Variants in LRMDA observed in about 807,000 individuals in gnomAD.
LRMDA encodes leucine-rich melanocyte differentiation-associated protein.
LRMDA carries 18 observed loss-of-function variants against 29.8 expected under a neutral mutation model. That is an observed-to-expected ratio of 0.60 (90% CI 0.42 to 0.90). The LOEUF (loss-of-function observed/expected upper bound fraction) is 0.90. Ranked by LOEUF, LRMDA falls within the 40% of genes least tolerant of loss-of-function variation. The pLI is 0.00. For synonymous variants in LRMDA, 125 were observed against 109.4 expected (o/e 1.14, Z -0.89); for missense variants, 273 against 273.9 (o/e 1.00, Z 0.02).
chr10:76,434,192 TC>T (rs567092932), intron 6 of LRMDA, among the ~76,000 whole-genome samples: 58 of 152,296 alleles, frequency 3.8e-4, no homozygotes, highest in African/African-American at 1.3e-3. Context: ...ATCTTATTTT[TC>T]CAAAACATCA....
chr10:76,442,715 T>C (rs1842316113), intron 6 of LRMDA, among the ~76,000 whole-genome samples: 1 of 152,166 alleles, frequency 6.6e-6, no homozygotes, highest in Non-Finnish European at 1.5e-5. Flanking sequence ...AACCAATACA[T>C]AAATCATATG....
intron 2 of LRMDA, among the ~76,000 whole-genome samples, chr10:75,722,058 T>C (rs950717757): frequency 1.3e-5 from 2 of 152,116 alleles, no homozygotes; most frequent in African/African-American, 4.8e-5. Flanking sequence ...AAATCCCAGG[T>C]TCCTAATACT....
At chr10:76,100,140 G>C in intron 5 of LRMDA, among the ~76,000 whole-genome samples, 2 of 152,222 alleles carry the variant, frequency 1.3e-5, no homozygotes, top group African/African-American at 4.8e-5. Context: ...ATTGTTATGT[G>C]TTCCTGATAA....
rs185148855 is a variant in LRMDA, at chr10:76,146,218, A to G, written c.516+87435A>G. Among the ~76,000 whole-genome samples the G allele has an allele frequency of 1.4e-3, 209 of 152,230 alleles. 5 individuals are homozygous for G. In the East Asian group the frequency reaches 0.037, roughly 27 times the overall value. The stretch of plus-strand genomic sequence containing the variant: ...GATTTCTATTAGGTCCACTTGGTGC[A>G]GAGCTGAGATCAATTCCTGGGTATC... On this transcript the variant is annotated intron_variant, in intron 5 of 6. Transcript: ENST00000611255.
chr10:75,850,994 A>T (rs1053952324), intron 2 of LRMDA, among the ~76,000 whole-genome samples: 1 of 152,056 alleles, frequency 6.6e-6, no homozygotes, highest in Non-Finnish European at 1.5e-5. Flanking sequence ...TAACAGCTTT[A>T]AAAAAAATTG....
intron 2 of LRMDA, among the ~76,000 whole-genome samples, chr10:75,766,576 C>G (rs1012191626): frequency 2.0e-5 from 3 of 151,866 alleles, no homozygotes; most frequent in African/African-American, 7.3e-5. Context: ...CTTTTTCTTT[C>G]TTTCTTTTTT....
intron 6 of LRMDA, among the ~76,000 whole-genome samples, chr10:76,357,335 A>G (rs10509371): frequency 0.12 from 18,249 of 152,156 alleles, 1,717 homozygotes; most frequent in African/African-American, 0.26. Context: ...AAAGATGAGA[A>G]AGTATTACAG....
In LRMDA at chr10:75,863,212, G is replaced by A. The variant is rs558417739; in HGVS notation, c.132-172796G>A. Reference sequence around the variant, plus strand: ...GGTTGTGCATCGCTTTACAGTTAAAGCTTTATTGCAGCTGTTAGCGTTGGG... The same window carrying A: ...GGTTGTGCATCGCTTTACAGTTAAAACTTTATTGCAGCTGTTAGCGTTGGG... On this transcript the variant is annotated intron_variant, in intron 2 of 6. Transcript: ENST00000611255. Among the ~76,000 whole-genome samples, 7 of 152,206 alleles carry A rather than the reference G, an allele frequency of 4.6e-5. No homozygotes were observed. The East Asian group carries it at 1.3e-3, about 29-fold the overall frequency.
At chr10:75,989,888 G>A (rs1847335603) in intron 2 of LRMDA, among the ~76,000 whole-genome samples, 2 of 152,160 alleles carry the variant, frequency 1.3e-5, no homozygotes, top group African/African-American at 2.4e-5. Context: ...GGTGACCCCA[G>A]TAGGCTGAAG....
At chr10:76,258,057 T>C (rs1033642885) in intron 5 of LRMDA, among the ~76,000 whole-genome samples, 4 of 152,240 alleles carry the variant, frequency 2.6e-5, no homozygotes, top group African/African-American at 9.6e-5. Flanking sequence ...CAAAACTTGT[T>C]ACATGGCCAA....
chr10:76,334,615 T>A (rs998537337), intron 6 of LRMDA, among the ~76,000 whole-genome samples: 2 of 152,152 alleles, frequency 1.3e-5, no homozygotes, highest in African/African-American at 4.8e-5. Flanking sequence ...TCTAATGAAA[T>A]TTTTTGGTTG....
chr10:76,409,084 A>G (rs1841931704), intron 6 of LRMDA, among the ~76,000 whole-genome samples: 1 of 152,286 alleles, frequency 6.6e-6, no homozygotes, highest in South Asian at 2.1e-4. Context: ...CTTTCAGTTT[A>G]CCACTTTGTG....
chr10:76,412,431 C>T (rs144670210), intron 6 of LRMDA, among the ~76,000 whole-genome samples: 158 of 152,276 alleles, frequency 1.0e-3, no homozygotes, highest in Non-Finnish European at 1.9e-3. Context: ...AAGGGTTAAC[C>T]ATACTGTGGC....
chr10:76,503,699 T>C (rs1225201861), intron 6 of LRMDA, among the ~76,000 whole-genome samples: 1 of 151,940 alleles, frequency 6.6e-6, no homozygotes. Context: ...CTGATTTTGC[T>C]TATTTAGATC....
intron 2 of LRMDA, among the ~76,000 whole-genome samples, chr10:75,788,027 T>TCAAAAA (rs71024563): frequency 0.44 from 66,583 of 149,734 alleles, 15,251 homozygotes; most frequent in South Asian, 0.54. Flanking sequence ...AGACTCCGTC[T>TCAAAAA]CAAAAACAAA....
chr10:76,331,469 A>G (rs1004695098), intron 6 of LRMDA, among the ~76,000 whole-genome samples: 2 of 152,162 alleles, frequency 1.3e-5, no homozygotes, highest in Non-Finnish European at 2.9e-5. Context: ...ATTGTCAATG[A>G]CTCATTGAAA....
At chr10:76,255,375 C>T (rs886382580) in intron 5 of LRMDA, among the ~76,000 whole-genome samples, 1 of 152,132 alleles carries the variant, frequency 6.6e-6, no homozygotes, top group Non-Finnish European at 1.5e-5. Flanking sequence ...GTTGCATTTC[C>T]TCTGTTGGAA....
chr10:75,647,770 C>T (rs539955340), intron 2 of LRMDA, among the ~76,000 whole-genome samples: 4 of 152,288 alleles, frequency 2.6e-5, no homozygotes, highest in African/African-American at 9.6e-5. Flanking sequence ...AGCTGGCCCT[C>T]TTGGTGACTG....
At chr10:76,304,889 C>T (rs1314750070) in intron 5 of LRMDA, among the ~76,000 whole-genome samples, 1 of 152,096 alleles carries the variant, frequency 6.6e-6, no homozygotes, top group Non-Finnish European at 1.5e-5. Context: ...TGATGACTCT[C>T]AGGGTGAGGA....
Sources: gnomAD v4.1 joint callset for allele counts (sites outside exome capture counted in the v4.1 genomes callset) on GRCh38, gnomAD v4.1.1 for gene constraint, MANE v1.5 for transcripts, NCBI Gene and HGNC (gene_info 2026-07-23, HGNC 2026-07-21) for gene names.